Variants in ERN1 observed in about 807,000 individuals in gnomAD.
The protein encoded by ERN1 is serine/threonine-protein kinase/endoribonuclease IRE1.
A neutral mutation model predicts 113.1 loss-of-function variants in ERN1; 39 were observed. That is an observed-to-expected ratio of 0.34 (90% CI 0.27 to 0.45). The LOEUF is 0.45. Ranked by LOEUF, ERN1 falls within the 20% of genes least tolerant of loss-of-function variation. The probability of loss-of-function intolerance (pLI) is 1.00; values close to 1 mark genes in which losing one functional copy is unlikely to be tolerated. For missense variants in ERN1, 976 were observed against 1,274.8 expected (o/e 0.77, Z 3.57); for synonymous variants, 507 against 515.9 (o/e 0.98, Z 0.23).
At chr17:64,114,919 G>A (rs1567886457) in intron 1 of ERN1, among the ~76,000 whole-genome samples, 1 of 151,976 alleles carries the variant, frequency 6.6e-6, no homozygotes, top group East Asian at 1.9e-4. Context: ...GATGAAATGT[G>A]GCCTTCAGAA....
chr17:64,079,808 A>T, intron 3 of ERN1, 74 bp from the exon 4 acceptor site: 5 of 1,183,814 alleles, frequency 4.2e-6, no homozygotes, highest in Non-Finnish European at 6.2e-6. Flanking sequence ...AGCCACGCAA[A>T]CCCATGATGG....
intron 1 of ERN1, among the ~76,000 whole-genome samples, chr17:64,116,654 A>ACACACACAC (rs1555619766): frequency 4.9e-4 from 73 of 149,778 alleles, no homozygotes; most frequent in African/African-American, 1.8e-3. Context: ...AAAAAAAAAT[A>ACACACACAC]ACACACACAC....
intron 9 of ERN1, 87 bp downstream of exon 9, chr17:64,065,122 C>T (rs1913177063): frequency 1.2e-6 from 1 of 810,458 alleles, no homozygotes; most frequent in Non-Finnish European, 1.9e-6. Flanking sequence ...TCTTAACCTG[C>T]AGGATGCTCA....
intron 2 of ERN1, chr17:64,097,891 CA>C (rs1567879262): frequency 3.9e-6 from 2 of 507,516 alleles, no homozygotes; most frequent in Non-Finnish European, 6.9e-6. Flanking sequence ...TAAACAGAAG[CA>C]AAAAAGAAGA....
intron 1 of ERN1, among the ~76,000 whole-genome samples, chr17:64,126,472 G>A (rs1915083967): frequency 6.6e-6 from 1 of 152,048 alleles, no homozygotes; most frequent in Non-Finnish European, 1.5e-5. Context: ...ATCCAGACAT[G>A]AAGAAACTTT....
Position 64,098,506 on chromosome 17 carries a change from C to T in ERN1, c.55-265G>A, listed in dbSNP as rs764088694. On this transcript the variant is annotated intron_variant, in intron 1 of 21. Coordinates refer to ENST00000433197, the MANE Select transcript of ERN1 (RefSeq NM_001433.5). Reference sequence around the variant, plus strand: ...GAATTCTGAAATAATCCATGGGCAACCTCCACTGAAACAGAGGGGCAAAGT... The same window carrying T: ...GAATTCTGAAATAATCCATGGGCAATCTCCACTGAAACAGAGGGGCAAAGT... 3 of 653,666 alleles carry T rather than the reference C, an allele frequency of 4.6e-6. No individual in the cohort carries two copies. The African/African-American group carries it at 5.3e-5, about 12-fold the overall frequency. 40.5% of individuals were successfully genotyped at this position (653,666 alleles called of 1,614,324 possible). A position where few individuals can be genotyped will look rare whatever the true frequency, so the allele number is the denominator to read the frequency against.
chr17:64,045,277 A>G (rs545089342), intron 20 of ERN1, 82 bp downstream of exon 20: 1 of 1,543,904 alleles, frequency 6.5e-7, no homozygotes, highest in East Asian at 2.3e-5. Context: ...AACAGCCTGG[A>G]GCGGCCATTT....
At position 64,055,983 on chromosome 17, in the gene ERN1, C is replaced by A. The variant is rs902473222; in HGVS notation, c.1399-35G>T. The A allele has an allele frequency of 2.7e-6, 4 of 1,505,006 alleles. No individual in the cohort carries two copies. The Admixed American group carries it at 8.7e-5, about 33-fold the overall frequency. The allele number at this position is 1,505,006 out of a possible 1,614,324, so 93.2% of individuals were successfully genotyped here. On this transcript the variant is annotated intron_variant, in intron 12 of 21. Transcript: ENST00000433197. ...GAAACCCACATCCAGACAAGGGCAG[C>A]TGTTCCCACAGGGAAACAAGCAGCT...
intron 19 of ERN1, among the ~76,000 whole-genome samples, chr17:64,047,218 C>T (rs1321796619): frequency 6.6e-6 from 1 of 152,118 alleles, no homozygotes; most frequent in East Asian, 1.9e-4. Context: ...AAAACTTAGG[C>T]AGGCGTGGTG....
intron 11 of ERN1, among the ~76,000 whole-genome samples, chr17:64,059,773 G>A (rs775153228): frequency 1.8e-4 from 28 of 151,614 alleles, no homozygotes; most frequent in South Asian, 4.2e-4. Context: ...GAGAGCCCCT[G>A]GAACTCTGTG....
At chr17:64,125,796 T>C (rs1244102498) in intron 1 of ERN1, among the ~76,000 whole-genome samples, 1 of 152,160 alleles carries the variant, frequency 6.6e-6, no homozygotes, top group East Asian at 1.9e-4. Flanking sequence ...GCTGAGAAGC[T>C]CAATGTTTTT....
chr17:64,094,519 G>T (rs1914175773), intron 2 of ERN1, among the ~76,000 whole-genome samples: 1 of 151,864 alleles, frequency 6.6e-6, no homozygotes, highest in Non-Finnish European at 1.5e-5. Context: ...GAAGCGCTGG[G>T]TCCCTCCTGC....
At position 64,054,372 on chromosome 17, in the gene ERN1, G is replaced by C. The variant is rs745516592; in HGVS notation, c.1831C>G (p.Arg611Gly). The C allele has an allele frequency of 6.2e-7, 1 of 1,607,514 alleles. No individual in the cohort carries two copies. Among genetic ancestry groups the C allele is most frequent in the Admixed American group, 1.7e-5 (1 of 59,054 alleles). ...ILPECFSFAD[R>G]EVQLLRESDE... is the part of the protein sequence containing the mutation. ...GATTCTCGCAACAGCTGGACCTCAC[G>C]GTCTGCGAAGCTAAAACACTCGGGG... The change falls in exon 15 of 22, where the codon CGT becomes GGT. Residue 611 changes from arginine (R) to glycine (G), a missense_variant. By Grantham distance (125) the Arg-to-Gly change is moderately radical. This residue lies in a region of ERN1 where 297 missense variants were observed against 457.8 expected (regional missense o/e 0.65). Coordinates refer to ENST00000433197, the MANE Select transcript of ERN1 (RefSeq NM_001433.5). The surrounding 1 kb of genome is among the most constrained non-coding windows in gnomAD (Gnocchi z 4.9).
chr17:64,129,807 G>T, intron 1 of ERN1, 169 bp downstream of exon 1: 5 of 541,628 alleles, frequency 9.2e-6, no homozygotes, highest in Middle Eastern at 5.5e-4. Context: ...TCCCGGCCCG[G>T]TGCCGCCTCC....
intron 5 of ERN1, 54 bp downstream of exon 5, chr17:64,075,121 G>A: frequency 4.9e-6 from 7 of 1,423,728 alleles, no homozygotes; most frequent in Non-Finnish European, 6.8e-6. Context: ...CACTTTCCCA[G>A]ATTCCGGGAC....
chr17:64,055,411 G>A (rs1912827614), intron 13 of ERN1, among the ~76,000 whole-genome samples: 1 of 152,202 alleles, frequency 6.6e-6, no homozygotes, highest in South Asian at 2.1e-4. Flanking sequence ...CCAATGGGCA[G>A]CTCACCTCTG....
intron 2 of ERN1, among the ~76,000 whole-genome samples, chr17:64,085,514 C>G (rs746594840): frequency 6.6e-6 from 1 of 152,218 alleles, no homozygotes; most frequent in South Asian, 2.1e-4. Context: ...CCAAACACTT[C>G]CCATTAGGCT....
intron 1 of ERN1, among the ~76,000 whole-genome samples, chr17:64,103,326 G>C (rs1165617613): frequency 6.6e-6 from 1 of 151,892 alleles, no homozygotes; most frequent in Non-Finnish European, 1.5e-5. Context: ...GTGAAACCCT[G>C]TCTCTACTAA....
intron 2 of ERN1, among the ~76,000 whole-genome samples, chr17:64,093,046 C>T (rs1477304103): frequency 6.6e-6 from 1 of 152,064 alleles, no homozygotes; most frequent in Non-Finnish European, 1.5e-5. Flanking sequence ...GTATAATTTG[C>T]CACTATGGTG....
Sources: gnomAD v4.1 joint callset for allele counts (sites outside exome capture counted in the v4.1 genomes callset) on GRCh38, gnomAD v4.1.1 for gene constraint, gnomAD v4.1.1 regional missense constraint, Gnocchi (gnomAD v3.1) non-coding constraint, MANE v1.5 for transcripts, NCBI Gene and HGNC (gene_info 2026-07-23, HGNC 2026-07-21) for gene names.